The following PTPRD variants were observed in gnomAD, a reference collection of about 807,000 sequenced individuals.
The protein encoded by PTPRD is receptor-type tyrosine-protein phosphatase delta.
A neutral mutation model predicts 214.5 loss-of-function variants in PTPRD; 34 were observed. That is an observed-to-expected ratio of 0.16 (90% CI 0.12 to 0.21). PTPRD has a LOEUF of 0.21. Among genes scored for constraint, PTPRD ranks in the 10% least tolerant of loss-of-function variants. PTPRD has a pLI of 1.00. For missense variants in PTPRD, 2,545 were observed against 2,398.7 expected, an observed-to-expected ratio of 1.06 and a Z score of -1.27; for synonymous variants, 1,128 against 845.7, an observed-to-expected ratio of 1.33 and a Z score of -5.79.
intron 7 of PTPRD, among the ~76,000 whole-genome samples, chr9:9,711,024 T>A (rs1214332056): frequency 6.6e-6 from 1 of 152,100 alleles, no homozygotes; most frequent in Non-Finnish European, 1.5e-5. Context: ...GAATGTGCCC[T>A]ACGATGGAAT....
intron 5 of PTPRD, among the ~76,000 whole-genome samples, chr9:9,916,353 C>A (rs72692736): frequency 0.084 from 12,719 of 151,772 alleles, 688 homozygotes; most frequent in South Asian, 0.2. Context: ...GAAAACCAAC[C>A]AACCACAAAT....
At chr9:9,970,387 T>C (rs531276072) in intron 4 of PTPRD, among the ~76,000 whole-genome samples, 47 of 144,806 alleles carry the variant, frequency 3.2e-4, no homozygotes, top group African/African-American at 1.2e-3. Context: ...GAGGCGGAGC[T>C]TGCAGTGAGC....
At chr9:9,981,543 C>G (rs13291458) in intron 4 of PTPRD, among the ~76,000 whole-genome samples, 113,106 of 150,796 alleles carry the variant, frequency 0.75, 42,993 homozygotes, top group Middle Eastern at 0.88. Context: ...ATTTTTTTTA[C>G]TAGAGACGGA....
At chr9:9,641,458 A>C (rs907997043) in intron 7 of PTPRD, among the ~76,000 whole-genome samples, 1 of 152,162 alleles carries the variant, frequency 6.6e-6, no homozygotes, top group African/African-American at 2.4e-5. Context: ...TAACCCCATG[A>C]ACTGAGCACA....
intron 10 of PTPRD, among the ~76,000 whole-genome samples, chr9:9,178,266 G>T (rs1348643): frequency 6.6e-6 from 1 of 151,946 alleles, no homozygotes; most frequent in Non-Finnish European, 1.5e-5. Context: ...TAATTGCCTT[G>T]GTTTTCCTGC....
intron 22 of PTPRD, among the ~76,000 whole-genome samples, chr9:8,506,094 G>C (rs2097538018): frequency 6.6e-6 from 1 of 152,166 alleles, no homozygotes; most frequent in Non-Finnish European, 1.5e-5. Context: ...AATTCAAACA[G>C]ATGGAATAAA....
At chr9:10,513,741 G>C (rs1414913486) in intron 2 of PTPRD, among the ~76,000 whole-genome samples, 1 of 152,124 alleles carries the variant, frequency 6.6e-6, no homozygotes, top group Non-Finnish European at 1.5e-5. Context: ...TGTGGCAGTA[G>C]TCAATGATTA....
At chr9:9,645,238 G>A (rs1341899609) in intron 7 of PTPRD, among the ~76,000 whole-genome samples, 1 of 152,152 alleles carries the variant, frequency 6.6e-6, no homozygotes, top group East Asian at 1.9e-4. Context: ...GGGCCCTTGG[G>A]TGAGTTACTT....
intron 3 of PTPRD, among the ~76,000 whole-genome samples, chr9:10,281,923 T>C (rs575483546): frequency 1.3e-5 from 2 of 152,152 alleles, no homozygotes; most frequent in African/African-American, 4.8e-5. Flanking sequence ...TCATCTGAAA[T>C]TCCTGAGCTT....
At position 9,777,880 on chromosome 9, in the gene PTPRD, A is replaced by G. The variant is rs190571200; in HGVS notation, c.-367-11029T>C. 1.2e-3 allele frequency among the ~76,000 whole-genome samples: 177 copies of G among 152,314 alleles called. 1 individual carries two copies. The highest frequency in any genetic ancestry group is 4.0e-3 in the African/African-American group (166 of 41,556). On this transcript the variant is annotated intron_variant, in intron 5 of 45. Transcript: ENST00000381196. ...AGGTGAAAACATCATACCCTTCAAC[A>G]CAATTACCCCAAATGGGTTTATACA...
intron 3 of PTPRD, among the ~76,000 whole-genome samples, chr9:10,134,892 G>T (rs111327462): frequency 2.0e-5 from 3 of 152,194 alleles, no homozygotes; most frequent in African/African-American, 4.8e-5. Context: ...TGAAATGGCT[G>T]AAATGACAGA....
At chr9:9,308,071 C>T (rs1288865979) in intron 9 of PTPRD, among the ~76,000 whole-genome samples, 1 of 152,110 alleles carries the variant, frequency 6.6e-6, no homozygotes, top group Non-Finnish European at 1.5e-5. Context: ...AGCTTATAGC[C>T]TGTGAACAAA....
intron 2 of PTPRD, among the ~76,000 whole-genome samples, chr9:10,506,483 T>C (rs1436788268): frequency 6.6e-6 from 1 of 152,166 alleles, no homozygotes; most frequent in Non-Finnish European, 1.5e-5. Flanking sequence ...TATAATTGGA[T>C]TGTTTGTAGC....
At chr9:8,459,386 C>A (rs1280769904) in intron 33 of PTPRD, among the ~76,000 whole-genome samples, 1 of 151,748 alleles carries the variant, frequency 6.6e-6, no homozygotes, top group Non-Finnish European at 1.5e-5. Context: ...AAAACGAGAA[C>A]ATGGATTAAA....
At chr9:8,768,860 A>G (rs1444950709) in intron 11 of PTPRD, among the ~76,000 whole-genome samples, 1 of 152,224 alleles carries the variant, frequency 6.6e-6, no homozygotes, top group Non-Finnish European at 1.5e-5. Flanking sequence ...AATGAAACTC[A>G]CTGAATAATC....
chr9:8,706,870 TCC>T (rs2098220979), intron 12 of PTPRD, among the ~76,000 whole-genome samples: 1 of 152,156 alleles, frequency 6.6e-6, no homozygotes, highest in Non-Finnish European at 1.5e-5. Flanking sequence ...AACAGCAATG[TCC>T]ACAGGTTAGC....
intron 39 of PTPRD, among the ~76,000 whole-genome samples, chr9:8,343,790 C>T (rs776914367): frequency 1.3e-5 from 2 of 151,976 alleles, no homozygotes; most frequent in Non-Finnish European, 2.9e-5. Flanking sequence ...AAGTGCTCAA[C>T]AGTGTTTGTG....
rs376750196 is a variant in PTPRD, at chr9:9,006,195, C to G, written c.-104+12502G>C. On this transcript the variant is annotated intron_variant, in intron 11 of 45. Coordinates refer to ENST00000381196, the MANE Select transcript of PTPRD (RefSeq NM_002839.4). ...GTTAAAAGAAAGATTAGAGGTGTAT[C>G]CAACCGATGATGTAATGTGATTTTT... Among the ~76,000 whole-genome samples the G allele has an allele frequency of 5.0e-4, 49 of 97,462 alleles. No individual in the cohort carries two copies. The South Asian group carries it at 0.021, about 42-fold the overall frequency. The allele number at this position is 97,462 out of a possible 152,430, so 63.9% of individuals were successfully genotyped here.
intron 11 of PTPRD, among the ~76,000 whole-genome samples, chr9:8,828,990 A>T (rs1325983038): frequency 2.6e-5 from 4 of 152,182 alleles, no homozygotes; most frequent in African/African-American, 9.7e-5. Context: ...ACTCTATCAC[A>T]CTGTGCCAGC....
Sources: gnomAD v4.1 joint callset for allele counts (sites outside exome capture counted in the v4.1 genomes callset) on GRCh38, gnomAD v4.1.1 for gene constraint, MANE v1.5 for transcripts, NCBI Gene and HGNC (gene_info 2026-07-23, HGNC 2026-07-21) for gene names.